OPRM1: variants seen among roughly 807,000 people sequenced by gnomAD.
OPRM1 encodes the protein mu-type opioid receptor.
OPRM1 carries 27 observed loss-of-function variants against 31.8 expected under a neutral mutation model. The ratio of observed to expected loss-of-function variants is 0.85; its 90% confidence interval spans 0.63 to 1.17. The LOEUF (loss-of-function observed/expected upper bound fraction) is 1.17. Ranked by LOEUF, OPRM1 falls within the 50% of genes most tolerant of loss-of-function variation. OPRM1 has a pLI of 0.00. For missense variants in OPRM1, 536 were observed against 511.1 expected (o/e 1.05, Z -0.47); for synonymous variants, 196 against 189.9 (o/e 1.03, Z -0.26).
chr6:154,177,773 G>C (rs1362488786), intron 3 of OPRM1, among the ~76,000 whole-genome samples: 2 of 152,188 alleles, frequency 1.3e-5, no homozygotes. Flanking sequence ...ATTTGAGCCA[G>C]CAATCCCATT....
At position 154,170,786 on chromosome 6, in the gene OPRM1, A is replaced by C. The variant is rs149857196; in HGVS notation, c.1165-75907A>C. ...GGTGGCTACAATTAAAAAGACAGAC[A>C]GTAGTAAGTGTGGATGAGGATGTGG... On this transcript the variant is annotated intron_variant, in intron 3 of 3. Coordinates refer to the OPRM1 transcript ENST00000337049. Among the ~76,000 whole-genome samples the C allele has an allele frequency of 2.8e-3, 432 of 152,344 alleles. 2 individuals are homozygous for C. Among genetic ancestry groups the C allele is most frequent in the African/African-American group, 9.9e-3 (410 of 41,580 alleles).
chr6:154,107,894 T>C lies in OPRM1; in HGVS notation c.1165-10789T>C, dbSNP rs1297492190. 3.0e-5 allele frequency: 20 copies of C among 669,464 alleles called. 1 individual carries two copies. In the South Asian group the frequency reaches 3.1e-4, roughly 10 times the overall value. The allele number at this position is 669,464 out of a possible 1,614,324, so 41.5% of individuals were successfully genotyped here. ...AACACAAAATACACCAGCTTAAAAATAGCCTTTGAATTATTTTTCACATTA... is the reference window on the plus strand; with the variant it reads ...AACACAAAATACACCAGCTTAAAAACAGCCTTTGAATTATTTTTCACATTA... On this transcript the variant is annotated intron_variant, in intron 3 of 3. Transcript: ENST00000330432.
intron 3 of OPRM1, among the ~76,000 whole-genome samples, chr6:154,214,511 C>T (rs1021635237): frequency 6.6e-6 from 1 of 152,192 alleles, no homozygotes; most frequent in African/African-American, 2.4e-5. Context: ...TCAGTTGGTT[C>T]ATGAGGGCAG....
At chr6:154,027,597 G>C (rs1405380966) in intron 1 of OPRM1, among the ~76,000 whole-genome samples, 3 of 152,224 alleles carry the variant, frequency 2.0e-5, no homozygotes, top group African/African-American at 7.2e-5. Flanking sequence ...GGCATGTGCA[G>C]AGATGTTGTC....
chr6:154,038,417 C>A (rs1422379485), upstream of OPRM1, among the ~76,000 whole-genome samples: 1 of 152,086 alleles, frequency 6.6e-6, no homozygotes, highest in Non-Finnish European at 1.5e-5. Flanking sequence ...GTATAAAATT[C>A]AAAAACGTAT....
intron 3 of OPRM1, among the ~76,000 whole-genome samples, chr6:154,110,671 G>T (rs140226861): frequency 3.3e-5 from 5 of 151,948 alleles, no homozygotes; most frequent in African/African-American, 1.2e-4. Context: ...GGTGGATCAC[G>T]AGGTCAGGAA....
intron 3 of OPRM1, among the ~76,000 whole-genome samples, chr6:154,188,557 T>A (rs956751154): frequency 6.6e-5 from 10 of 152,106 alleles, no homozygotes; most frequent in African/African-American, 2.2e-4. Context: ...TATATGGAGG[T>A]TAAAATGGCC....
rs776934855 is a variant in OPRM1 at position 154,126,838 on chromosome 6, G to A, written c.*8117G>A. 2.6e-5 allele frequency among the ~76,000 whole-genome samples: 4 copies of A among 152,236 alleles called. No individual in the cohort carries two copies. The highest frequency in any genetic ancestry group is 4.4e-5 in the Non-Finnish European group (3 of 68,020). On this transcript the variant is annotated 3_prime_UTR_variant, in exon 4 of 4. Coordinates refer to ENST00000330432, the MANE Select transcript of OPRM1 (RefSeq NM_000914.5). ...CCAAATAAAAAAGTGCCTGCTGGGC[G>A]CGGTGGCTCACGCCTGTAATTCCAG...
chr6:154,110,700 A>G (rs546495007), intron 3 of OPRM1, among the ~76,000 whole-genome samples: 1 of 152,114 alleles, frequency 6.6e-6, no homozygotes, highest in African/African-American at 2.4e-5. Flanking sequence ...CATCCTGGCT[A>G]ACATGGTGAA....
intron 3 of OPRM1, among the ~76,000 whole-genome samples, chr6:154,152,117 C>T (rs1798514413): frequency 7.1e-6 from 1 of 140,034 alleles, no homozygotes; most frequent in African/African-American, 2.7e-5. Flanking sequence ...GCAGAGGTTG[C>T]AGTGAGCCAA....
intron 3 of OPRM1, among the ~76,000 whole-genome samples, chr6:154,189,379 G>C (rs916945763): frequency 3.9e-5 from 6 of 152,100 alleles, no homozygotes; most frequent in African/African-American, 1.4e-4. Context: ...CCATTTCCAG[G>C]TGTATACCCG....
chr6:154,174,987 G>A (rs1209009415), intron 3 of OPRM1, among the ~76,000 whole-genome samples: 1 of 152,196 alleles, frequency 6.6e-6, no homozygotes, highest in Non-Finnish European at 1.5e-5. Flanking sequence ...AGACCACAGT[G>A]CAATCAAATT....
At chr6:154,149,597 C>A (rs1798442506) in intron 3 of OPRM1, among the ~76,000 whole-genome samples, 1 of 148,376 alleles carries the variant, frequency 6.7e-6, no homozygotes, top group African/African-American at 2.5e-5. Context: ...CATTCTGGAT[C>A]GTGTGTGTGT....
chr6:154,152,347 G>GAAAGAAAGAAAGGAAAGAAAGAAA, intron 3 of OPRM1, among the ~76,000 whole-genome samples: 5 of 65,112 alleles, frequency 7.7e-5, no homozygotes, highest in African/African-American at 2.8e-4. Flanking sequence ...AAGAAAGAAA[G>GAAAGAAAGAAAGGAAAGAAAGAAA]GAAAGAAAGA....
chr6:154,151,678 C>G (rs777643949), intron 3 of OPRM1, among the ~76,000 whole-genome samples: 1 of 151,970 alleles, frequency 6.6e-6, no homozygotes, highest in Non-Finnish European at 1.5e-5. Flanking sequence ...TGTGCTAAAT[C>G]TCCAGGCACC....
chr6:154,212,779 A>T (rs1778069415), intron 3 of OPRM1: 2 of 1,610,090 alleles, frequency 1.2e-6, no homozygotes, highest in African/African-American at 2.7e-5. Context: ...CCAAAGACTG[A>T]GTCTGGGAAG....
chr6:154,179,840 C>A (rs764712202), intron 3 of OPRM1, among the ~76,000 whole-genome samples: 1 of 152,190 alleles, frequency 6.6e-6, no homozygotes, highest in African/African-American at 2.4e-5. Context: ...CCACTCCTCT[C>A]AAACTTTTAA....
intron 3 of OPRM1, chr6:154,091,760 G>T: frequency 1.8e-6 from 2 of 1,115,980 alleles, no homozygotes; most frequent in South Asian, 3.6e-5. Flanking sequence ...TATGACTTTA[G>T]CACATTATAG....
rs571776812 is a variant in OPRM1, at chr6:154,018,126, A to G, written c.-1+7108A>G. Among the ~76,000 whole-genome samples the G allele has an allele frequency of 4.6e-5, 7 of 152,266 alleles. No individual in the cohort carries two copies. In the East Asian group the frequency reaches 1.4e-3, roughly 29 times the overall value. On this transcript the variant is annotated intron_variant, in intron 1 of 5. Transcript: ENST00000434900. ...AAAGAGATTTTTTTCTCCCAAGAAT[A>G]TATTCTTGGGGACCAGGCACTGTGG...
Sources: gnomAD v4.1 joint callset for allele counts (sites outside exome capture counted in the v4.1 genomes callset) on GRCh38, gnomAD v4.1.1 for gene constraint, MANE v1.5 for transcripts, NCBI Gene and HGNC (gene_info 2026-07-23, HGNC 2026-07-21) for gene names.